ATAD1: variants seen among roughly 807,000 people sequenced by gnomAD.
ATAD1 encodes the protein outer mitochondrial transmembrane helix translocase.
In ATAD1, 18 loss-of-function variants were observed where a neutral mutation model predicts 42.7. The observed-to-expected ratio is 0.42, with a 90% CI of 0.29 to 0.63. ATAD1 has a LOEUF of 0.63. Among genes scored for constraint, ATAD1 ranks in the 20% least tolerant of loss-of-function variants. The pLI, the probability that ATAD1 is intolerant of heterozygous loss-of-function variation, is 0.19. For synonymous variants in ATAD1, 132 were observed against 143.1 expected (o/e 0.92, Z 0.55); for missense variants, 294 against 440.4 (o/e 0.67, Z 2.98).
At chr10:87,817,610 A>G (rs1301388507) in intron 1 of ATAD1, among the ~76,000 whole-genome samples, 1 of 152,240 alleles carries the variant, frequency 6.6e-6, no homozygotes, top group Non-Finnish European at 1.5e-5. Context: ...CTCAAACTCA[A>G]AAGTCCCAGT....
intron 2 of ATAD1, among the ~76,000 whole-genome samples, chr10:87,802,700 C>A (rs922750888): frequency 2.0e-5 from 3 of 150,028 alleles, no homozygotes; most frequent in Admixed American, 1.3e-4. Context: ...TATATACAAA[C>A]AATCTGGCCA....
chr10:87,761,793 G>T (rs1386335517), intron 8 of ATAD1, among the ~76,000 whole-genome samples: 1 of 151,910 alleles, frequency 6.6e-6, no homozygotes, highest in Non-Finnish European at 1.5e-5. Flanking sequence ...TTAGAGACAG[G>T]ATCTTGCTCT....
At chr10:87,756,700 G>C (rs1294743515) in intron 9 of ATAD1, 89 bp downstream of exon 9, 1 of 1,248,322 alleles carries the variant, frequency 8.0e-7, no homozygotes, top group Non-Finnish European at 1.1e-6. Flanking sequence ...CATAAGCGGT[G>C]TTTCTAATAT....
intron 1 of ATAD1, 148 bp downstream of exon 1, chr10:87,818,019 G>A (rs1857507304): frequency 2.0e-6 from 2 of 985,636 alleles, no homozygotes; most frequent in East Asian, 1.1e-4. Flanking sequence ...AGGGCTGCGG[G>A]GCGCTTGGGG....
chr10:87,834,544 T>C (rs912384676), intron 1 of ATAD1, among the ~76,000 whole-genome samples: 1 of 152,182 alleles, frequency 6.6e-6, no homozygotes, highest in African/African-American at 2.4e-5. Context: ...CTATTTCACA[T>C]AGGTTGTCAT....
intron 2 of ATAD1, among the ~76,000 whole-genome samples, chr10:87,806,207 G>GTAT (rs1229498026): frequency 6.6e-6 from 1 of 151,950 alleles, no homozygotes; most frequent in Non-Finnish European, 1.5e-5. Flanking sequence ...TACTTCAGAT[G>GTAT]TATTCATGTA....
chr10:87,778,568 T>G (rs1855423389), intron 5 of ATAD1, among the ~76,000 whole-genome samples: 1 of 152,204 alleles, frequency 6.6e-6, no homozygotes, highest in Admixed American at 6.6e-5. Flanking sequence ...TTTACATAAT[T>G]TTGTGCATGA....
At chr10:87,768,868 G>C (rs1472033618) in intron 7 of ATAD1, among the ~76,000 whole-genome samples, 3 of 152,132 alleles carry the variant, frequency 2.0e-5, no homozygotes, top group African/African-American at 4.8e-5. Flanking sequence ...AGGGTCCCTT[G>C]AGGCCAGGAG....
chr10:87,775,962 GA>G (rs1264816368), intron 6 of ATAD1, among the ~76,000 whole-genome samples: 1 of 152,112 alleles, frequency 6.6e-6, no homozygotes, highest in Non-Finnish European at 1.5e-5. Context: ...AAGAACCGAG[GA>G]AAACAGAAAG....
At chr10:87,763,696 CAG>C (rs1452018187) in intron 8 of ATAD1, among the ~76,000 whole-genome samples, 1 of 151,826 alleles carries the variant, frequency 6.6e-6, no homozygotes, top group African/African-American at 2.4e-5. Flanking sequence ...CCTGGGTAAA[CAG>C]AGTGAGACTC....
chr10:87,800,351 GTGAAATTGTAACACTCTCTT>G (rs1210644961), intron 2 of ATAD1, among the ~76,000 whole-genome samples: 1 of 152,060 alleles, frequency 6.6e-6, no homozygotes, highest in Non-Finnish European at 1.5e-5. Flanking sequence ...TTTAAAGGGT[GTGAAATTGTAACACTCTCTT>G]TCAACTCATT....
chr10:87,794,734 T>C (rs770228232), intron 2 of ATAD1, among the ~76,000 whole-genome samples: 1 of 152,174 alleles, frequency 6.6e-6, no homozygotes, highest in Non-Finnish European at 1.5e-5. Flanking sequence ...CCCTGAAAAT[T>C]TTACTCTATG....
At chr10:87,758,463 T>C (rs1310575187) in intron 8 of ATAD1, among the ~76,000 whole-genome samples, 1 of 151,926 alleles carries the variant, frequency 6.6e-6, no homozygotes, top group Non-Finnish European at 1.5e-5. Flanking sequence ...AATGAATGAA[T>C]CCAAATTTAT....
Position 87,754,604 on chromosome 10 carries a change from A to G in ATAD1, c.*83T>C. 1 of 1,452,056 alleles carries G rather than the reference A, an allele frequency of 6.9e-7. No homozygotes were observed. The highest frequency in any genetic ancestry group is 9.3e-7 in the Non-Finnish European group (1 of 1,077,126). 89.9% of individuals were successfully genotyped at this position (1,452,056 alleles called of 1,614,324 possible). A position where few individuals can be genotyped will look rare whatever the true frequency, so the allele number is the denominator to read the frequency against. On this transcript the variant is annotated 3_prime_UTR_variant, in exon 10 of 10. Transcript: ENST00000680024. ...CACTGAGCTCCCTCATTGTTTAAAG[A>G]GCACTCTTTCCGTTCTATTTCCACT... is the stretch of plus-strand genomic sequence containing the variant.
chr10:87,792,523 A>C, intron 3 of ATAD1, 134 bp downstream of exon 3: 1 of 643,182 alleles, frequency 1.6e-6, no homozygotes, highest in Non-Finnish European at 2.7e-6. Context: ...ACAGGAATAC[A>C]ACTATATGCC....
At position 87,828,169 on chromosome 10, in the gene ATAD1, C is replaced by T. The variant is rs532624850; in HGVS notation, c.-14+13018G>A. Among the ~76,000 whole-genome samples the T allele has an allele frequency of 1.3e-4, 19 of 151,880 alleles. No homozygotes were observed. The South Asian group carries it at 3.8e-3, about 30-fold the overall frequency. ...TGCAGAGATGGGGTCTCATTTTATT[C>T]CCCAGGCTGGTTTCAAACTCCTGGT... On this transcript the variant is annotated intron_variant, in intron 1 of 4. Transcript: ENST00000495903.
chr10:87,815,576 G>A (rs1039253397), intron 1 of ATAD1, among the ~76,000 whole-genome samples: 16 of 152,048 alleles, frequency 1.1e-4, no homozygotes, highest in Non-Finnish European at 2.2e-4. Flanking sequence ...GTATGGCTCA[G>A]CAGATAAAAG....
chr10:87,805,951 G>A (rs536417008), intron 2 of ATAD1, among the ~76,000 whole-genome samples: 3 of 151,866 alleles, frequency 2.0e-5, no homozygotes, highest in East Asian at 1.9e-4. Flanking sequence ...TCTATAACAC[G>A]TTTAAAATCA....
intron 7 of ATAD1, among the ~76,000 whole-genome samples, chr10:87,769,057 C>T (rs1854904607): frequency 6.6e-6 from 1 of 152,090 alleles, no homozygotes; most frequent in South Asian, 2.1e-4. Flanking sequence ...GCTGACAGAG[C>T]AAGACTCTGT....
Sources: gnomAD v4.1 joint callset for allele counts (sites outside exome capture counted in the v4.1 genomes callset) on GRCh38, gnomAD v4.1.1 for gene constraint, MANE v1.5 for transcripts, NCBI Gene and HGNC (gene_info 2026-07-23, HGNC 2026-07-21) for gene names.